Variants in WWC1 observed in about 807,000 individuals in gnomAD.
The protein encoded by WWC1 is WW and C2 domain containing 1, also known as protein KIBRA.
In WWC1, 55 loss-of-function variants were observed where a neutral mutation model predicts 138.4. The ratio of observed to expected loss-of-function variants is 0.40; its 90% confidence interval spans 0.32 to 0.50. The LOEUF (loss-of-function observed/expected upper bound fraction) is 0.50. Among genes scored for constraint, WWC1 ranks in the 20% least tolerant of loss-of-function variants. The probability of loss-of-function intolerance (pLI) is 0.72; values close to 1 mark genes in which losing one functional copy is unlikely to be tolerated. For missense variants in WWC1, 1,226 were observed against 1,420.4 expected, an observed-to-expected ratio of 0.86 and a Z score of 2.20; for synonymous variants, 524 against 564.9, an observed-to-expected ratio of 0.93 and a Z score of 1.03.
At chr5:168,434,607 C>T (rs1200585864) in intron 15 of WWC1, among the ~76,000 whole-genome samples, 1 of 152,164 alleles carries the variant, frequency 6.6e-6, no homozygotes, top group Admixed American at 6.5e-5. Flanking sequence ...AATGGCAAAG[C>T]CTGGATTTGA....
At chr5:168,422,147 G>A (rs753160635) in intron 10 of WWC1, 50 bp downstream of exon 10, 1 of 1,576,694 alleles carries the variant, frequency 6.3e-7, no homozygotes, top group Non-Finnish European at 8.7e-7. Context: ...GGCCAGACAT[G>A]GGTGTCCCCA....
At chr5:168,407,961 C>A (rs1186053439) in intron 6 of WWC1, among the ~76,000 whole-genome samples, 2 of 151,396 alleles carry the variant, frequency 1.3e-5, no homozygotes, top group African/African-American at 2.4e-5. Flanking sequence ...CTCCTGGGCT[C>A]AAGCAATCCT....
At chr5:168,428,899 C>A in intron 13 of WWC1, 112 bp downstream of exon 13, 3 of 1,066,890 alleles carry the variant, frequency 2.8e-6, no homozygotes, top group Non-Finnish European at 4.2e-6. Flanking sequence ...GAAGGCAGCA[C>A]CAGCAGGACC....
Position 168,397,732 on chromosome 5 carries a change from G to T in WWC1, c.442G>T (p.Gly148Cys). The T allele has an allele frequency of 6.2e-7, 1 of 1,613,906 alleles. No individual in the cohort carries two copies. The highest frequency in any genetic ancestry group is 8.5e-7 in the Non-Finnish European group (1 of 1,179,912). Residue 148 changes from glycine (G) to cysteine (C), a missense_variant, in exon 4 of 23, where the codon GGT becomes TGT. Gly to Cys is a radical substitution (Grantham distance 159). Transcript: ENST00000265293. ...KLGSQVSLVS[G>C]SSSSSKYDPE... ...TTCTTTTTTCCTTACAGTGGTCTCT[G>T]GTTCATCATCCAGCTCCAAGTATGA...
At chr5:168,407,325 A>G (rs1779872317) in intron 6 of WWC1, among the ~76,000 whole-genome samples, 1 of 152,210 alleles carries the variant, frequency 6.6e-6, no homozygotes, top group African/African-American at 2.4e-5. Context: ...TCCTACAGAA[A>G]AAAGACTGTA....
intron 1 of WWC1, among the ~76,000 whole-genome samples, chr5:168,357,386 C>T (rs567920243): frequency 2.7e-5 from 4 of 149,898 alleles, no homozygotes; most frequent in East Asian, 4.0e-4. Flanking sequence ...GAGCTCAAAG[C>T]GTCTGCCAAC....
chr5:168,394,894 T>C (rs1490838549), intron 3 of WWC1, among the ~76,000 whole-genome samples: 1 of 152,220 alleles, frequency 6.6e-6, no homozygotes, highest in East Asian at 1.9e-4. Flanking sequence ...TATGTATGTA[T>C]TTTTTACCTC....
At chr5:168,370,312 G>A (rs1206051763) in intron 1 of WWC1, among the ~76,000 whole-genome samples, 1 of 152,174 alleles carries the variant, frequency 6.6e-6, no homozygotes, top group Non-Finnish European at 1.5e-5. Context: ...TTTAAAAGGT[G>A]ATGATCCATA....
chr5:168,440,418 A>G (rs1486642298), intron 15 of WWC1, among the ~76,000 whole-genome samples: 3 of 152,252 alleles, frequency 2.0e-5, no homozygotes, highest in Non-Finnish European at 4.4e-5. Context: ...CCACTAAAAA[A>G]TTAAAAATGT....
At chr5:168,372,053 T>TGTGTGTGTGTGTG (rs1776797418) in intron 2 of WWC1, among the ~76,000 whole-genome samples, 1 of 141,260 alleles carries the variant, frequency 7.1e-6, no homozygotes, top group African/African-American at 2.7e-5. Context: ...AAGAGTGTGT[T>TGTGTGTGTGTGTG]TGTGTGTGTG....
intron 1 of WWC1, among the ~76,000 whole-genome samples, chr5:168,357,632 A>AT (rs1477947327): frequency 6.6e-6 from 1 of 152,088 alleles, no homozygotes; most frequent in Non-Finnish European, 1.5e-5. Flanking sequence ...TGAATGAATA[A>AT]TTCATATTGT....
chr5:168,292,279 C>A lies in WWC1; in HGVS notation c.119+8C>A, dbSNP rs1170055788. ...GATCGACCCGCGGGACAGGTAGGAC[C>A]CTGGAACCCTCCTCCGTGCCCCCAC... On this transcript the variant is annotated splice_region_variant and intron_variant, in intron 1 of 22. Transcript: ENST00000265293. The surrounding 1 kb of genome is among the most constrained non-coding windows in gnomAD (Gnocchi z 4.4). 7 of 1,591,778 alleles carry A rather than the reference C, an allele frequency of 4.4e-6. No homozygotes were observed. The highest frequency in any genetic ancestry group is 5.1e-6 in the Non-Finnish European group (6 of 1,170,128).
chr5:168,292,075 A>C lies in WWC1; in HGVS notation c.-78A>C. 1 of 1,416,436 alleles carries C rather than the reference A, an allele frequency of 7.1e-7. No homozygotes were observed. The highest frequency in any genetic ancestry group is 3.3e-5 in the Admixed American group (1 of 30,404). 87.7% of individuals were successfully genotyped at this position (1,416,436 alleles called of 1,614,324 possible). A position where few individuals can be genotyped will look rare whatever the true frequency, so the allele number is the denominator to read the frequency against. ...TGGTGCCTCGGCGGCCGCCCGGGCT[A>C]AGAGCGGCCGGCTGGAGCCGCTGAG... On this transcript the variant is annotated 5_prime_UTR_variant, in exon 1 of 23. Transcript: ENST00000265293. The surrounding 1 kb of genome is among the most constrained non-coding windows in gnomAD (Gnocchi z 4.4).
At chr5:168,465,978 C>G (rs561568958) in intron 21 of WWC1, among the ~76,000 whole-genome samples, 53 of 152,042 alleles carry the variant, frequency 3.5e-4, no homozygotes, top group Non-Finnish European at 7.2e-4. Context: ...GGGGAGAGCT[C>G]GGGAAGAGGG....
At chr5:168,307,598 CTTTT>C (rs35535200) in intron 1 of WWC1, among the ~76,000 whole-genome samples, 7 of 132,408 alleles carry the variant, frequency 5.3e-5, no homozygotes, top group Non-Finnish European at 6.3e-5. Context: ...TGATTTTACC[CTTTT>C]TTTTTTTTTT....
intron 3 of WWC1, among the ~76,000 whole-genome samples, chr5:168,393,981 A>G (rs1419640494): frequency 1.3e-5 from 2 of 152,230 alleles, no homozygotes; most frequent in Admixed American, 1.3e-4. Context: ...CAGCTAGCTG[A>G]TTGCACCCTG....
chr5:168,429,256 ATTTTTTT>A (rs67280988), intron 13 of WWC1, among the ~76,000 whole-genome samples: 2,513 of 116,422 alleles, frequency 0.022, 33 homozygotes, highest in Non-Finnish European at 0.03. Context: ...TATGATCTCA[ATTTTTTT>A]TTTTTTTTTT....
Position 168,459,326 on chromosome 5 carries a change from A to C in WWC1, c.2824-1324A>C, listed in dbSNP as rs1210093674. Among the ~76,000 whole-genome samples, 4 of 151,804 alleles carry C rather than the reference A, an allele frequency of 2.6e-5. No individual in the cohort carries two copies. The East Asian group carries it at 7.7e-4, about 29-fold the overall frequency. Reference sequence around the variant, plus strand: ...CTGGTACCACATGCAACCAGTTTATATGAATCTACCCCAGTTGTCAAGATG... The same window carrying C: ...CTGGTACCACATGCAACCAGTTTATCTGAATCTACCCCAGTTGTCAAGATG... On this transcript the variant is annotated intron_variant, in intron 19 of 22. Coordinates refer to ENST00000265293, the MANE Select transcript of WWC1 (RefSeq NM_015238.3).
At chr5:168,309,261 G>T (rs12519918) in intron 1 of WWC1, among the ~76,000 whole-genome samples, 1 of 152,016 alleles carries the variant, frequency 6.6e-6, no homozygotes. Context: ...TGAAGCCTCC[G>T]GTGCCCATTT....
Sources: allele counts gnomAD v4.1 joint callset (sites outside exome capture counted in the v4.1 genomes callset), GRCh38; gene constraint gnomAD v4.1.1; non-coding constraint Gnocchi (gnomAD v3.1); transcripts MANE v1.5; gene names NCBI Gene and HGNC (gene_info 2026-07-23, HGNC 2026-07-21).